Variants in AK8 observed in about 807,000 individuals in gnomAD.
AK8 encodes the protein adenylate kinase 8.
A neutral mutation model predicts 54.6 loss-of-function variants in AK8; 44 were observed. That is an observed-to-expected ratio of 0.81 (90% CI 0.63 to 1.04). The LOEUF (loss-of-function observed/expected upper bound fraction) is 1.04. Ranked by LOEUF, AK8 falls within the 50% of genes least tolerant of loss-of-function variation. AK8 has a pLI of 0.00. For synonymous variants in AK8, 239 were observed against 245.6 expected (o/e 0.97, Z 0.25); for missense variants, 555 against 613.6 (o/e 0.90, Z 1.01).
chr9:132,744,040 G>T (rs1392919851), intron 11 of AK8, among the ~76,000 whole-genome samples: 1 of 152,168 alleles, frequency 6.6e-6, no homozygotes, highest in Non-Finnish European at 1.5e-5. Flanking sequence ...CGGGAGGGAC[G>T]GGGGTTGACC....
chr9:132,871,227 C>T (rs1382185033), intron 2 of AK8, among the ~76,000 whole-genome samples: 1 of 152,118 alleles, frequency 6.6e-6, no homozygotes, highest in Admixed American at 6.6e-5. Flanking sequence ...GCCTAGGCGA[C>T]AGAGCCAGAC....
chr9:132,730,856 A>G (rs1455070780), intron 11 of AK8, among the ~76,000 whole-genome samples: 1 of 152,200 alleles, frequency 6.6e-6, no homozygotes, highest in Non-Finnish European at 1.5e-5. Context: ...CCAAAACCTC[A>G]TGTTTTACAG....
chr9:132,782,777 G>T (rs1839533479), intron 11 of AK8, among the ~76,000 whole-genome samples: 1 of 152,188 alleles, frequency 6.6e-6, no homozygotes, highest in Non-Finnish European at 1.5e-5. Context: ...AAGAACAGAG[G>T]GTGGACACTT....
chr9:132,872,344 T>C (rs2131442803), intron 2 of AK8, among the ~76,000 whole-genome samples: 1 of 70,224 alleles, frequency 1.4e-5, no homozygotes, highest in South Asian at 5.3e-4. Flanking sequence ...AAAAGAAAAA[T>C]AAGAGGGAGA....
In AK8 at chr9:132,757,295, C is replaced by A. The variant is rs189694820; in HGVS notation, c.1122-29761G>T. ...AGGCTAGGATGGGCTCCCCCCGTCA[C>A]CCTCACTGCACCAACGAGGCCGTGT... On this transcript the variant is annotated intron_variant, in intron 11 of 12. Transcript: ENST00000298545. Among the ~76,000 whole-genome samples the A allele has an allele frequency of 4.0e-3, 603 of 152,346 alleles. 12 individuals are homozygous for A. Among genetic ancestry groups the A allele is most frequent in the East Asian group, 6.9e-3 (36 of 5,184 alleles).
chr9:132,800,379 C>T (rs894686594), intron 10 of AK8, among the ~76,000 whole-genome samples: 2 of 152,196 alleles, frequency 1.3e-5, no homozygotes, highest in African/African-American at 2.4e-5. Context: ...CCGCCAGCAA[C>T]GCACAGAACA....
intron 3 of AK8, among the ~76,000 whole-genome samples, chr9:132,864,535 T>C (rs538141829): frequency 6.6e-6 from 1 of 152,342 alleles, no homozygotes; most frequent in South Asian, 2.1e-4. Flanking sequence ...TTCTGAGGAT[T>C]TGGCTTTGAA....
intron 11 of AK8, among the ~76,000 whole-genome samples, chr9:132,758,164 G>A (rs141850935): frequency 1.2e-4 from 18 of 152,334 alleles, no homozygotes; most frequent in Non-Finnish European, 2.4e-4. Context: ...CACTTTGGTG[G>A]CACCCATTGA....
chr9:132,733,536 C>A (rs1378032476), intron 11 of AK8, among the ~76,000 whole-genome samples: 1 of 152,250 alleles, frequency 6.6e-6, no homozygotes, highest in Non-Finnish European at 1.5e-5. Flanking sequence ...GAAAGGCTGG[C>A]AAGATGTGAC....
At chr9:132,731,855 C>G (rs775834266) in intron 11 of AK8, among the ~76,000 whole-genome samples, 2 of 152,060 alleles carry the variant, frequency 1.3e-5, no homozygotes, top group Non-Finnish European at 2.9e-5. Flanking sequence ...GGCAACATTG[C>G]GAGACCCCGT....
chr9:132,727,312 T>C (rs559513887), intron 12 of AK8, 142 bp downstream of exon 12: 41 of 778,212 alleles, frequency 5.3e-5, no homozygotes, highest in Non-Finnish European at 7.9e-5. Flanking sequence ...AACAGCCAGT[T>C]GGATAAAGTC....
intron 10 of AK8, among the ~76,000 whole-genome samples, chr9:132,800,163 A>G (rs1436320056): frequency 6.6e-6 from 1 of 152,158 alleles, no homozygotes; most frequent in Non-Finnish European, 1.5e-5. Flanking sequence ...TCTGGAGGCC[A>G]TCACTCTCGG....
rs1391425884 is a variant in AK8 at position 132,744,265 on chromosome 9, C to T, written c.1122-16731G>A. 3.3e-5 allele frequency among the ~76,000 whole-genome samples: 5 copies of T among 152,186 alleles called. No individual in the cohort carries two copies. The East Asian group carries it at 5.8e-4, about 18-fold the overall frequency. Reference sequence around the variant, plus strand: ...CTGCCTTGCCTAAAGAATCCACCACCGTGGTTGTTAAACCCACACTTTAAT... The same window carrying T: ...CTGCCTTGCCTAAAGAATCCACCACTGTGGTTGTTAAACCCACACTTTAAT... On this transcript the variant is annotated intron_variant, in intron 11 of 12. Transcript: ENST00000298545.
chr9:132,850,492 G>A (rs1249928288), intron 5 of AK8, among the ~76,000 whole-genome samples: 1 of 150,694 alleles, frequency 6.6e-6, no homozygotes, highest in Non-Finnish European at 1.5e-5. Context: ...TGCCTACTGG[G>A]TTCAAGTGAT....
intron 11 of AK8, among the ~76,000 whole-genome samples, chr9:132,730,851 A>G (rs1359133007): frequency 6.6e-6 from 1 of 152,060 alleles, no homozygotes; most frequent in Non-Finnish European, 1.5e-5. Context: ...CTGAGCCAAA[A>G]CCTCATGTTT....
chr9:132,741,566 G>A (rs932449976), intron 11 of AK8, among the ~76,000 whole-genome samples: 10 of 152,288 alleles, frequency 6.6e-5, no homozygotes, highest in African/African-American at 2.4e-4. Context: ...CTTCCAGAAA[G>A]AGCTCAGCTG....
At chr9:132,863,172 G>A (rs1224094603) in intron 4 of AK8, among the ~76,000 whole-genome samples, 1 of 152,258 alleles carries the variant, frequency 6.6e-6, no homozygotes, top group Admixed American at 6.5e-5. Context: ...GGACCAGAGG[G>A]TGGGCTGTGC....
At chr9:132,870,110 G>C (rs1438663355) in intron 2 of AK8, among the ~76,000 whole-genome samples, 1 of 152,164 alleles carries the variant, frequency 6.6e-6, no homozygotes, top group Non-Finnish European at 1.5e-5. Context: ...ATTCATCTGA[G>C]AGTTCCCGGG....
rs190871761 is a variant in AK8 at position 132,875,291 on chromosome 9, G to A, written c.85-92C>T. 2.9e-4 allele frequency: 443 copies of A among 1,537,548 alleles called. No individual in the cohort carries two copies. In the African/African-American group the frequency reaches 4.5e-3, roughly 16 times the overall value. On this transcript the variant is annotated intron_variant, in intron 1 of 12. Coordinates refer to ENST00000298545, the MANE Select transcript of AK8 (RefSeq NM_152572.3). ...AGCTATGGGGCCTGCTCTCTCCACT[G>A]CACCCCACCAAACATGCCTTCAACC... is the stretch of plus-strand genomic sequence containing the variant.
Sources: gnomAD v4.1 joint callset for allele counts (sites outside exome capture counted in the v4.1 genomes callset) on GRCh38, gnomAD v4.1.1 for gene constraint, MANE v1.5 for transcripts, NCBI Gene and HGNC (gene_info 2026-07-23, HGNC 2026-07-21) for gene names.